TOX2: variants seen among roughly 807,000 people sequenced by gnomAD.
The protein encoded by TOX2 is granulosa cell HMG box 1.
Under a neutral mutation model 47.4 loss-of-function variants are expected in TOX2, and 15 were observed. That is an observed-to-expected ratio of 0.32 (90% CI 0.21 to 0.49). The LOEUF (loss-of-function observed/expected upper bound fraction) is 0.49, where lower values mean the gene tolerates loss of function less well. TOX2 is among the 20% of genes least tolerant of loss of function. The pLI, the probability that TOX2 is intolerant of heterozygous loss-of-function variation, is 0.99. For missense variants in TOX2, 622 were observed against 673.1 expected, an observed-to-expected ratio of 0.92 and a Z score of 0.84; for synonymous variants, 290 against 296.6, an observed-to-expected ratio of 0.98 and a Z score of 0.23.
Position 44,018,792 on chromosome 20 carries a change from C to T in TOX2, c.411+12000C>T, listed in dbSNP as rs539286344. Among the ~76,000 whole-genome samples the T allele has an allele frequency of 5.3e-5, 8 of 152,244 alleles. No individual in the cohort carries two copies. The East Asian group carries it at 5.8e-4, about 11-fold the overall frequency. On this transcript the variant is annotated intron_variant, in intron 3 of 8. Transcript: ENST00000341197. ...AGGCTGGGAGCGTTTCCAGGACAAG[C>T]GCGCCCCATCAGAGATTTAAGCTCA...
At chr20:44,018,708 A>G (rs894304804) in intron 3 of TOX2, among the ~76,000 whole-genome samples, 1 of 152,318 alleles carries the variant, frequency 6.6e-6, no homozygotes, top group African/African-American at 2.4e-5. Flanking sequence ...CAAGACAAAT[A>G]CAGCTCATCT....
At chr20:44,068,506 C>A in intron 8 of TOX2, 144 bp from the exon 9 acceptor site, 1 of 838,576 alleles carries the variant, frequency 1.2e-6, no homozygotes, top group Non-Finnish European at 1.7e-6. Context: ...GGGGGTGGGA[C>A]TTGCAGATGC....
At chr20:44,019,750 C>G (rs1340962988) in intron 3 of TOX2, among the ~76,000 whole-genome samples, 1 of 152,190 alleles carries the variant, frequency 6.6e-6, no homozygotes, top group African/African-American at 2.4e-5. Flanking sequence ...GATAACAAGA[C>G]CGCGAGTCAG....
chr20:43,979,438 G>A (rs1357551579), intron 2 of TOX2, among the ~76,000 whole-genome samples: 1 of 152,118 alleles, frequency 6.6e-6, no homozygotes, highest in Non-Finnish European at 1.5e-5. Flanking sequence ...CACGGGCAGA[G>A]TAATTCAAGA....
At chr20:44,002,349 C>T (rs1328419025) in intron 2 of TOX2, among the ~76,000 whole-genome samples, 3 of 152,200 alleles carry the variant, frequency 2.0e-5, no homozygotes, top group Non-Finnish European at 4.4e-5. Flanking sequence ...TTTGCTTATT[C>T]TGTGTCCTTG....
intron 3 of TOX2, chr20:44,039,246 G>A: frequency 7.8e-7 from 1 of 1,289,444 alleles, no homozygotes; most frequent in Non-Finnish European, 1.0e-6. Flanking sequence ...CATAAAGGAG[G>A]ATGACACAGA....
intron 1 of TOX2, among the ~76,000 whole-genome samples, chr20:43,917,966 A>G (rs921618257): frequency 4.6e-5 from 7 of 152,098 alleles, no homozygotes; most frequent in African/African-American, 1.7e-4. Context: ...TGCATTACAG[A>G]AGGGGAAACT....
intron 2 of TOX2, among the ~76,000 whole-genome samples, chr20:44,004,908 C>T (rs2070652214): frequency 6.6e-6 from 1 of 152,312 alleles, no homozygotes. Context: ...CTGTAGGTAA[C>T]AATATATGTT....
At chr20:44,038,879 T>G (rs926269493) in intron 3 of TOX2, 120 of 1,080,116 alleles carry the variant, frequency 1.1e-4, no homozygotes, top group Non-Finnish European at 1.1e-4. Context: ...CTTGTGTTCC[T>G]GCAGCCCTGC....
intron 3 of TOX2, among the ~76,000 whole-genome samples, chr20:44,036,814 A>G (rs2071248982): frequency 6.6e-6 from 1 of 152,168 alleles, no homozygotes; most frequent in South Asian, 2.1e-4. Context: ...GAGTTTGCCA[A>G]CCCCTGGATC....
chr20:43,974,322 C>A (rs1468427061), intron 2 of TOX2, among the ~76,000 whole-genome samples: 1 of 151,808 alleles, frequency 6.6e-6, no homozygotes, highest in Admixed American at 6.6e-5. Context: ...GTCCTCACTG[C>A]AGGCGGGGGC....
chr20:43,983,403 T>C (rs2070204157), intron 2 of TOX2, among the ~76,000 whole-genome samples: 1 of 151,956 alleles, frequency 6.6e-6, no homozygotes, highest in South Asian at 2.1e-4. Flanking sequence ...GGATCAAGCA[T>C]CTCCCCACTA....
chr20:43,919,135 C>T (rs1357067784), intron 1 of TOX2, among the ~76,000 whole-genome samples: 1 of 152,146 alleles, frequency 6.6e-6, no homozygotes, highest in Admixed American at 6.6e-5. Context: ...CAGGCTTCCC[C>T]AAGAACTGAT....
At chr20:43,945,066 C>T (rs1394169465) in intron 1 of TOX2, among the ~76,000 whole-genome samples, 1 of 152,000 alleles carries the variant, frequency 6.6e-6, no homozygotes, top group Non-Finnish European at 1.5e-5. Flanking sequence ...GGCCTGATGG[C>T]TTCAGAAGAG....
chr20:43,968,832 T>C (rs1039465296), intron 1 of TOX2, among the ~76,000 whole-genome samples: 1 of 152,206 alleles, frequency 6.6e-6, no homozygotes, highest in African/African-American at 2.4e-5. Context: ...TTCATGGAAA[T>C]TCTTAAGCTG....
chr20:43,983,421 G>A (rs1200809486), intron 2 of TOX2, among the ~76,000 whole-genome samples: 1 of 152,104 alleles, frequency 6.6e-6, no homozygotes, highest in Non-Finnish European at 1.5e-5. Context: ...CTAGGGTGGG[G>A]AGATGGTACC....
chr20:43,994,063 A>G (rs956649164), intron 2 of TOX2, among the ~76,000 whole-genome samples: 2 of 152,104 alleles, frequency 1.3e-5, no homozygotes, highest in Admixed American at 6.5e-5. Context: ...CAGGTGGAAG[A>G]TCGCTTGAAT....
chr20:43,921,319 C>G (rs2069110688), intron 1 of TOX2, among the ~76,000 whole-genome samples: 2 of 152,220 alleles, frequency 1.3e-5, no homozygotes, highest in East Asian at 1.9e-4. Flanking sequence ...TTTTGCTTCT[C>G]TGATTTCCTA....
intron 1 of TOX2, among the ~76,000 whole-genome samples, chr20:43,952,018 T>G (rs189230614): frequency 6.6e-6 from 1 of 151,792 alleles, no homozygotes; most frequent in East Asian, 1.9e-4. Flanking sequence ...TGTCTCGCCC[T>G]CCCGAGTAGC....
Sources: gnomAD v4.1 joint callset for allele counts (sites outside exome capture counted in the v4.1 genomes callset) on GRCh38, gnomAD v4.1.1 for gene constraint, MANE v1.5 for transcripts, NCBI Gene and HGNC (gene_info 2026-07-23, HGNC 2026-07-21) for gene names.